SYT5: variants seen among roughly 807,000 people sequenced by gnomAD.
SYT5 encodes the protein synaptotagmin 5.
In SYT5, 29 loss-of-function variants were observed where a neutral mutation model predicts 36.0. The ratio of observed to expected loss-of-function variants is 0.81; its 90% CI spans 0.60 to 1.10. The LOEUF (loss-of-function observed/expected upper bound fraction) is 1.10, where lower values mean the gene tolerates loss of function less well. Ranked by LOEUF, SYT5 falls within the 50% of genes least tolerant of loss-of-function variation. The pLI, the probability that SYT5 is intolerant of heterozygous loss-of-function variation, is 0.00. For missense variants in SYT5, 512 were observed against 516.0 expected, an observed-to-expected ratio of 0.99 and a Z score of 0.08; for synonymous variants, 231 against 227.6, an observed-to-expected ratio of 1.02 and a Z score of -0.14.
At chr19:55,174,810 C>A in intron 7 of SYT5, 72 bp downstream of exon 7, 1 of 1,581,004 alleles carries the variant, frequency 6.3e-7, no homozygotes, top group South Asian at 1.1e-5. Context: ...ACCCTCGAGG[C>A]TCAGAAACTG....
At position 55,171,831 on chromosome 19, in the gene SYT5, TGTGCCTGTG is replaced by T. The variant is rs2086008047; in HGVS notation, c.*1644_*1652del. ...AAAAAATTAGCTAGGCATGGTTGCA[TGTGCCTGTG>T]GTCCCAGCTACTCAGGAGTCTGAGG... On this transcript the variant is annotated 3_prime_UTR_variant, in exon 9 of 9. Coordinates refer to ENST00000354308, the MANE Select transcript of SYT5 (RefSeq NM_003180.3). 6.6e-6 allele frequency: 1 copy of T among 152,176 alleles called. No individual in the cohort carries two copies. Among genetic ancestry groups the T allele is most frequent in the African/African-American group, 2.4e-5 (1 of 41,414 alleles). 9.4% of individuals were successfully genotyped at this position (152,176 alleles called of 1,614,324 possible).
Position 55,172,294 on chromosome 19 carries a change from G to C in SYT5, c.*1190C>G, listed in dbSNP as rs559616493. 1 of 150,780 alleles carries C rather than the reference G, an allele frequency of 6.6e-6. No individual in the cohort carries two copies. Among genetic ancestry groups the C allele is most frequent in the Non-Finnish European group, 1.5e-5 (1 of 67,774 alleles). 9.3% of individuals were successfully genotyped at this position (150,780 alleles called of 1,614,324 possible). On this transcript the variant is annotated 3_prime_UTR_variant, in exon 9 of 9. Coordinates refer to ENST00000354308, the MANE Select transcript of SYT5 (RefSeq NM_003180.3). ...AAATTAGCCGGGTGTGGTGGCGGGC[G>C]CCTGTAGTCCCAGCTGCTCGGGAGG... is the stretch of plus-strand genomic sequence containing the variant.
chr19:55,175,964 C>T lies in SYT5; in HGVS notation c.372+41G>A, dbSNP rs749870407. On this transcript the variant is annotated intron_variant, in intron 4 of 8. Coordinates refer to ENST00000354308, the MANE Select transcript of SYT5 (RefSeq NM_003180.3). The surrounding 1 kb of genome is among the most constrained non-coding windows in gnomAD (Gnocchi z 4.5). Reference sequence around the variant, plus strand: ...TCCTTTCAGAAGGGGTTGGAACCCCCGGGATCCTCCCTCCAAAGCTTCCCC... The same window carrying T: ...TCCTTTCAGAAGGGGTTGGAACCCCTGGGATCCTCCCTCCAAAGCTTCCCC... 2 of 1,613,610 alleles carry T rather than the reference C, an allele frequency of 1.2e-6. No homozygotes were observed. The highest frequency in any genetic ancestry group is 1.7e-5 in the Admixed American group (1 of 60,002).
chr19:55,177,923 G>T (rs1212993167), intron 3 of SYT5, among the ~76,000 whole-genome samples: 1 of 152,168 alleles, frequency 6.6e-6, no homozygotes, highest in African/African-American at 2.4e-5. Context: ...GCTCCTATGA[G>T]ACCCTGTAGT....
chr19:55,178,609 C>A (rs1235174197), intron 2 of SYT5, among the ~76,000 whole-genome samples: 2 of 152,068 alleles, frequency 1.3e-5, no homozygotes, highest in Non-Finnish European at 2.9e-5. Flanking sequence ...CCCGACCCCG[C>A]CCCCCATTTC....
chr19:55,177,825 G>A lies in SYT5; in HGVS notation c.252+371C>T, dbSNP rs142638290. Among the ~76,000 whole-genome samples, 209 of 152,322 alleles carry A rather than the reference G, an allele frequency of 1.4e-3. 1 individual carries two copies. Among genetic ancestry groups the A allele is most frequent in the African/African-American group, 4.8e-3 (198 of 41,556 alleles). ...TCCACCTCAGCCTCCCAAGTGCTAG[G>A]ATTACAGGCGTGAGCCACCGCACCC... On this transcript the variant is annotated intron_variant, in intron 3 of 8. Transcript: ENST00000354308.
rs1366615882 is a variant in SYT5, at chr19:55,175,500, A to C, written c.541-161T>G. ...CCAGGGATCCATGCGGAAAAAAATC[A>C]CGGGTCAGTGGAACCCAAATCGTAC... On this transcript the variant is annotated intron_variant, in intron 5 of 8. Transcript: ENST00000354308. This position sits in a 1 kb window ranked among gnomAD's most constrained non-coding sequence, Gnocchi z 4.5. 6.6e-6 allele frequency among the ~76,000 whole-genome samples: 1 copy of C among 152,100 alleles called. No individual in the cohort carries two copies. The highest frequency in any genetic ancestry group is 2.4e-5 in the African/African-American group (1 of 41,422).
intron 3 of SYT5, 156 bp from the exon 4 acceptor site, chr19:55,176,280 G>T: frequency 2.1e-6 from 2 of 965,938 alleles, no homozygotes; most frequent in Non-Finnish European, 3.0e-6. Context: ...TCTGCCACAG[G>T]CAGGAAATAG....
chr19:55,174,637 C>T lies in SYT5; in HGVS notation c.840G>A (p.Lys280=). Residue 280 remains lysine, a synonymous_variant, in exon 8 of 9, where the codon AAG becomes AAA. Transcript: ENST00000354308. Reference sequence around the variant, plus strand: ...TTTTGCCGCCCTGCAGCAGGTGGACCTTGACGTATGGATCTGGGGAGAGGA... The same window carrying T: ...TTTTGCCGCCCTGCAGCAGGTGGACTTTGACGTATGGATCTGGGGAGAGGA... ...DVGGLSDPYV[K]VHLLQGGKKV... 1.2e-6 allele frequency: 2 copies of T among 1,613,998 alleles called. No homozygotes were observed. Among genetic ancestry groups the T allele is most frequent in the Non-Finnish European group, 1.7e-6 (2 of 1,179,968 alleles).
rs7248617 is a variant in SYT5, at chr19:55,174,277, T to C, written c.960+240A>G. Among the ~76,000 whole-genome samples, 25 of 60,196 alleles carry C rather than the reference T, an allele frequency of 4.2e-4. No homozygotes were observed. In the East Asian group the frequency reaches 8.9e-3, roughly 22 times the overall value. The allele number at this position is 60,196 out of a possible 152,430, so 39.5% of individuals were successfully genotyped here. ...CTGCTTAGGGTGGAGCATCTGGTAC[T>C]GCTTAGGGGTGGGACATCCCGGTCC... is the stretch of plus-strand genomic sequence containing the variant. On this transcript the variant is annotated intron_variant, in intron 8 of 8. Coordinates refer to ENST00000354308, the MANE Select transcript of SYT5 (RefSeq NM_003180.3).
At position 55,175,624 on chromosome 19, in the gene SYT5, C is replaced by T. The variant is rs2086067045; in HGVS notation, c.540+85G>A. On this transcript the variant is annotated intron_variant, in intron 5 of 8. Transcript: ENST00000354308. The surrounding 1 kb of genome is among the most constrained non-coding windows in gnomAD (Gnocchi z 4.5). ...CTGCCACCTGAGCTGTGGCCGCCTC[C>T]AGGAAAAGCGGAAGGGGTCGGTCCC... 6.5e-7 allele frequency: 1 copy of T among 1,540,892 alleles called. No homozygotes were observed. Among genetic ancestry groups the T allele is most frequent in the Non-Finnish European group, 8.8e-7 (1 of 1,137,516 alleles).
Position 55,175,212 on chromosome 19 carries a change from A to C in SYT5, c.668T>G (p.Val223Gly), listed in dbSNP as rs961473293. ...PMSSVDLGRPVQAWRELQAAP... is the reference protein window; with the variant it reads ...PMSSVDLGRPGQAWRELQAAP... Reference sequence around the variant, plus strand: ...CGCCTGCAGCTCCCGCCAGGCCTGCACTGGCCGCCCCAGGTCCACGGAGCT... The same window carrying C: ...CGCCTGCAGCTCCCGCCAGGCCTGCCCTGGCCGCCCCAGGTCCACGGAGCT... The change falls in exon 6 of 9, where the codon GTG becomes GGG. Residue 223 changes from valine to glycine, a missense_variant. Transcript: ENST00000354308. This position sits in a 1 kb window ranked among gnomAD's most constrained non-coding sequence, Gnocchi z 4.5. 3 of 1,610,684 alleles carry C rather than the reference A, an allele frequency of 1.9e-6. No individual in the cohort carries two copies. Among genetic ancestry groups the C allele is most frequent in the Middle Eastern group, 1.7e-4 (1 of 6,052 alleles).
At position 55,179,084 on chromosome 19, in the gene SYT5, A is replaced by G. The variant is rs2086114197; in HGVS notation, c.-43T>C. 6.4e-7 allele frequency: 1 copy of G among 1,574,286 alleles called. No homozygotes were observed. The highest frequency in any genetic ancestry group is 2.3e-5 in the East Asian group (1 of 43,060). On this transcript the variant is annotated splice_region_variant and 5_prime_UTR_variant, in exon 2 of 9. Coordinates refer to ENST00000354308, the MANE Select transcript of SYT5 (RefSeq NM_003180.3). The surrounding 1 kb of genome is among the most constrained non-coding windows in gnomAD (Gnocchi z 4.5). Reference sequence around the variant, plus strand: ...GTCTTTTCTGCAGAGACACTCAAGCACCCTAGTCCCCCATTCCCACCCCAG... The same window carrying G: ...GTCTTTTCTGCAGAGACACTCAAGCGCCCTAGTCCCCCATTCCCACCCCAG...
intron 3 of SYT5, chr19:55,177,438 C>T (rs1349433204): frequency 6.6e-6 from 1 of 152,214 alleles, no homozygotes; most frequent in African/African-American, 2.4e-5. Context: ...GTCACCTCCA[C>T]CACGAAGCCT....
In SYT5 at chr19:55,173,495, G is replaced by A; in HGVS notation, c.1150C>T (p.Pro384Ser). The A allele has an allele frequency of 7.3e-7, 1 of 1,365,052 alleles. No individual in the cohort carries two copies. Among genetic ancestry groups the A allele is most frequent in the Non-Finnish European group, 9.4e-7 (1 of 1,058,564 alleles). The allele number at this position is 1,365,052 out of a possible 1,614,324, so 84.6% of individuals were successfully genotyped here. Reference protein sequence around the residue: ...LRPPDRVRLLPAP With the variant: ...LRPPDRVRLLSAP ...GCTTGGGGTGGGAGTCAGGGCGCAGGCAGCAGCCTCACTCGGTCCGGGGGC... is the reference window on the plus strand; with the variant it reads ...GCTTGGGGTGGGAGTCAGGGCGCAGACAGCAGCCTCACTCGGTCCGGGGGC... The change falls in exon 9 of 9, where the codon CCT becomes TCT. Residue 384 changes from proline to serine, a missense_variant. Coordinates refer to ENST00000354308, the MANE Select transcript of SYT5 (RefSeq NM_003180.3). This position sits in a 1 kb window ranked among gnomAD's most constrained non-coding sequence, Gnocchi z 5.4.
In SYT5 at chr19:55,173,527, G is replaced by A. The variant is rs1238619033; in HGVS notation, c.1118C>T (p.Ser373Leu). ...NPRRPIAQWH[S>L]LRPPDRVRLL... is the part of the protein sequence containing the mutation. ...CCTCACTCGGTCCGGGGGCCGCAGC[G>A]AGTGCCACTGGGCAATGGGCCGCCG... The change falls in exon 9 of 9, where the codon TCG becomes TTG. Residue 373 changes from serine to leucine, a missense_variant. Coordinates refer to ENST00000354308, the MANE Select transcript of SYT5 (RefSeq NM_003180.3). The surrounding 1 kb of genome is among the most constrained non-coding windows in gnomAD (Gnocchi z 5.4). 3 of 1,411,998 alleles carry A rather than the reference G, an allele frequency of 2.1e-6. No individual in the cohort carries two copies. Among genetic ancestry groups the A allele is most frequent in the South Asian group, 1.6e-5 (1 of 64,290 alleles). 87.5% of individuals were successfully genotyped at this position (1,411,998 alleles called of 1,614,324 possible).
Position 55,176,100 on chromosome 19 carries a change from C to G in SYT5, c.277G>C (p.Glu93Gln), listed in dbSNP as rs748493556. The change falls in exon 4 of 9, where the codon GAG becomes CAG. Residue 93 changes from glutamate to glutamine, a missense_variant. Glu to Gln is a conservative substitution (Grantham distance 29, BLOSUM62 2). Coordinates refer to ENST00000354308, the MANE Select transcript of SYT5 (RefSeq NM_003180.3). ...DKVQPEVEELEPAPSGPGQQV... is the reference protein window; with the variant it reads ...DKVQPEVEELQPAPSGPGQQV... Reference sequence around the variant, plus strand: ...TGCCCTGGCCCGGATGGTGCTGGCTCCAGCTCCTCTACTTCTGGCTGCACC... The same window carrying G: ...TGCCCTGGCCCGGATGGTGCTGGCTGCAGCTCCTCTACTTCTGGCTGCACC... 9 of 1,614,168 alleles carry G rather than the reference C, an allele frequency of 5.6e-6. No individual in the cohort carries two copies. In the South Asian group the frequency reaches 7.7e-5, roughly 14 times the overall value.
At position 55,179,971 on chromosome 19, in the gene SYT5, G is replaced by C. The variant is rs978028241; in HGVS notation, c.-46+146C>G. ...TCTTTGTCTTCTCCATACCTGTCTC[G>C]CGTCCCCAGATCCCTGTCTCTCCGC... On this transcript the variant is annotated intron_variant, in intron 1 of 8. Coordinates refer to ENST00000354308, the MANE Select transcript of SYT5 (RefSeq NM_003180.3). The surrounding 1 kb of genome is among the most constrained non-coding windows in gnomAD (Gnocchi z 4.5). 6.5e-6 allele frequency: 1 copy of C among 152,674 alleles called. No homozygotes were observed. Among genetic ancestry groups the C allele is most frequent in the Admixed American group, 6.5e-5 (1 of 15,286 alleles). The allele number at this position is 152,674 out of a possible 1,614,324, so 9.5% of individuals were successfully genotyped here. A position where few individuals can be genotyped will look rare whatever the true frequency, so the allele number is the denominator to read the frequency against.
chr19:55,173,648 TGTC>T lies in SYT5; in HGVS notation c.994_996del (p.Asp332del). ...CCGATGGCCTCGTTCTTGCCCAGCT[TGTC>T]GTAGTCCAGCACGGTCAGCTCCACC... is the stretch of plus-strand genomic sequence containing the variant. On this transcript the variant is annotated inframe_deletion, in exon 9 of 9. Transcript: ENST00000354308. This position sits in a 1 kb window ranked among gnomAD's most constrained non-coding sequence, Gnocchi z 5.4. 1.3e-6 allele frequency: 2 copies of T among 1,484,260 alleles called. No individual in the cohort carries two copies. The highest frequency in any genetic ancestry group is 1.8e-6 in the Non-Finnish European group (2 of 1,118,400). 91.9% of individuals were successfully genotyped at this position (1,484,260 alleles called of 1,614,324 possible).
Sources: gnomAD v4.1 joint callset for allele counts (sites outside exome capture counted in the v4.1 genomes callset) on GRCh38, gnomAD v4.1.1 for gene constraint, Gnocchi (gnomAD v3.1) non-coding constraint, MANE v1.5 for transcripts, NCBI Gene and HGNC (gene_info 2026-07-23, HGNC 2026-07-21) for gene names.